VPS13B: variants seen among roughly 807,000 people sequenced by gnomAD.
VPS13B encodes the protein vacuolar protein sorting 13 homolog B.
Under a neutral mutation model 426.4 loss-of-function variants are expected in VPS13B, and 285 were observed. The ratio of observed to expected loss-of-function variants is 0.67; its 90% CI spans 0.61 to 0.74. The LOEUF (loss-of-function observed/expected upper bound fraction) is 0.74, where lower values mean the gene tolerates loss of function less well. Ranked by LOEUF, VPS13B falls within the 30% of genes least tolerant of loss-of-function variation. The pLI is 0.00. For synonymous variants in VPS13B, 1,676 were observed against 1,676.4 expected, an observed-to-expected ratio of 1.00 and a Z score of 0.01; for missense variants, 4,537 against 4,782.6, an observed-to-expected ratio of 0.95 and a Z score of 1.51.
chr8:99,458,754 T>C (rs1407301917), intron 23 of VPS13B, among the ~76,000 whole-genome samples: 1 of 152,218 alleles, frequency 6.6e-6, no homozygotes, highest in Non-Finnish European at 1.5e-5. Flanking sequence ...TCGCCCACTT[T>C]TTGATGGGGT....
At chr8:99,381,159 T>C (rs980140749) in intron 19 of VPS13B, among the ~76,000 whole-genome samples, 1 of 152,274 alleles carries the variant, frequency 6.6e-6, no homozygotes, top group Admixed American at 6.5e-5. Context: ...TGTGGTATTT[T>C]GTTTTCTGTT....
intron 21 of VPS13B, among the ~76,000 whole-genome samples, chr8:99,412,803 T>G (rs150693133): frequency 0.026 from 3,950 of 152,218 alleles, 175 homozygotes; most frequent in African/African-American, 0.09. Context: ...TTTATTGAAG[T>G]CCTTTGCTGC....
At chr8:99,781,881 C>T (rs574986067) in intron 42 of VPS13B, among the ~76,000 whole-genome samples, 5 of 152,066 alleles carry the variant, frequency 3.3e-5, no homozygotes, top group Non-Finnish European at 4.4e-5. Context: ...TGTCTGTACT[C>T]GCACTGAAAG....
At chr8:99,305,432 A>G (rs1820585537) in intron 19 of VPS13B, among the ~76,000 whole-genome samples, 1 of 152,168 alleles carries the variant, frequency 6.6e-6, no homozygotes, top group Non-Finnish European at 1.5e-5. Context: ...TGTAGGTTAT[A>G]TGCAAATGCA....
At chr8:99,231,226 G>C (rs1422896516) in intron 17 of VPS13B, among the ~76,000 whole-genome samples, 1 of 151,922 alleles carries the variant, frequency 6.6e-6, no homozygotes, top group Non-Finnish European at 1.5e-5. Flanking sequence ...TCAAATATTA[G>C]GTCAGGAGAT....
chr8:99,131,060 C>T (rs541189936), intron 8 of VPS13B, among the ~76,000 whole-genome samples: 86 of 152,022 alleles, frequency 5.7e-4, no homozygotes, highest in African/African-American at 2.0e-3. Flanking sequence ...ATATCTATGT[C>T]GTAAGAATGA....
Position 99,820,101 on chromosome 8 carries a change from T to A in VPS13B, c.8973T>A (p.Ile2991=), listed in dbSNP as rs1022439402. 2 of 1,613,884 alleles carry A rather than the reference T, an allele frequency of 1.2e-6. No individual in the cohort carries two copies. The highest frequency in any genetic ancestry group is 3.3e-5 in the Admixed American group (2 of 60,002). ...KIVLQVPAGK[I]IIPPNFQEAF... The stretch of plus-strand genomic sequence containing the variant: ...TTCTACAGGTTCCTGCTGGCAAAAT[T>A]ATTATTCCTCCTAATTTTCAGGTAC... The change falls in exon 49 of 62, where the codon ATT becomes ATA. Residue 2991 remains isoleucine, a synonymous_variant. Coordinates refer to ENST00000357162, the MANE Select transcript of VPS13B (RefSeq NM_152564.5).
chr8:99,437,140 G>A (rs570188409), intron 22 of VPS13B, among the ~76,000 whole-genome samples: 6 of 152,224 alleles, frequency 3.9e-5, no homozygotes, highest in African/African-American at 7.2e-5. Flanking sequence ...TAAAGGTTTC[G>A]AATGATTATT....
intron 3 of VPS13B, among the ~76,000 whole-genome samples, chr8:99,067,414 G>T (rs1587990712): frequency 2.0e-5 from 3 of 152,180 alleles, no homozygotes; most frequent in African/African-American, 4.8e-5. Flanking sequence ...AACACCGCAT[G>T]ATCTCACTCA....
At chr8:99,038,781 G>A (rs1431638334) in intron 3 of VPS13B, among the ~76,000 whole-genome samples, 1 of 149,850 alleles carries the variant, frequency 6.7e-6, no homozygotes, top group African/African-American at 2.5e-5. Context: ...CCTCCTCCTG[G>A]GTTCAAGTGA....
At chr8:99,030,281 T>C (rs1452009134) in intron 2 of VPS13B, among the ~76,000 whole-genome samples, 1 of 151,796 alleles carries the variant, frequency 6.6e-6, no homozygotes, top group Non-Finnish European at 1.5e-5. Context: ...CAGCGTTGTT[T>C]AGTTATAATG....
At chr8:99,213,324 T>C (rs533575211) in intron 17 of VPS13B, among the ~76,000 whole-genome samples, 1 of 152,254 alleles carries the variant, frequency 6.6e-6, no homozygotes, top group East Asian at 1.9e-4. Context: ...TGAAAATAAA[T>C]ATAATAATTA....
intron 19 of VPS13B, among the ~76,000 whole-genome samples, chr8:99,359,952 G>A (rs1434685917): frequency 6.6e-6 from 1 of 151,866 alleles, no homozygotes; most frequent in Non-Finnish European, 1.5e-5. Flanking sequence ...ACAGGCACGT[G>A]GCACCATGCC....
At chr8:99,233,721 T>C in intron 17 of VPS13B, 1 of 782,768 alleles carries the variant, frequency 1.3e-6, no homozygotes, top group East Asian at 2.4e-5. Flanking sequence ...GATGAGATTG[T>C]TATCTTGGTC....
At chr8:99,301,710 A>C (rs1044631598) in intron 19 of VPS13B, among the ~76,000 whole-genome samples, 3 of 152,226 alleles carry the variant, frequency 2.0e-5, no homozygotes. Flanking sequence ...ATAAGGCAGA[A>C]CTTAGAGTCC....
chr8:99,623,860 C>G (rs1563830457), intron 33 of VPS13B, among the ~76,000 whole-genome samples: 1 of 151,884 alleles, frequency 6.6e-6, no homozygotes, highest in Non-Finnish European at 1.5e-5. Flanking sequence ...CAGATACTCT[C>G]CACATGCAGA....
At chr8:99,481,911 T>G in intron 25 of VPS13B, 109 bp downstream of exon 25, 1 of 1,304,424 alleles carries the variant, frequency 7.7e-7, no homozygotes, top group African/African-American at 1.5e-5. Flanking sequence ...AACTGATAGA[T>G]TCTGAAGGTT....
At chr8:99,264,609 C>A (rs1818213037) in intron 17 of VPS13B, among the ~76,000 whole-genome samples, 1 of 151,914 alleles carries the variant, frequency 6.6e-6, no homozygotes, top group Admixed American at 6.6e-5. Flanking sequence ...AATTGTTTAA[C>A]CTTTGTTTGT....
intron 35 of VPS13B, among the ~76,000 whole-genome samples, chr8:99,698,413 G>A (rs1221219959): frequency 6.6e-6 from 1 of 152,236 alleles, no homozygotes; most frequent in Non-Finnish European, 1.5e-5. Flanking sequence ...CCCACCCTCA[G>A]AGGTTCATGA....
Sources: gnomAD v4.1 joint callset for allele counts (sites outside exome capture counted in the v4.1 genomes callset) on GRCh38, gnomAD v4.1.1 for gene constraint, MANE v1.5 for transcripts, NCBI Gene and HGNC (gene_info 2026-07-23, HGNC 2026-07-21) for gene names.